DIAPH3: variants seen among roughly 807,000 people sequenced by gnomAD.
DIAPH3 encodes the protein protein diaphanous homolog 3.
DIAPH3 carries 117 observed loss-of-function variants against 144.3 expected under a neutral mutation model. The observed-to-expected ratio is 0.81, with a 90% confidence interval of 0.70 to 0.95. The LOEUF (loss-of-function observed/expected upper bound fraction) is 0.95. Among genes scored for constraint, DIAPH3 ranks in the 40% least tolerant of loss-of-function variants. The pLI is 0.00. For synonymous variants in DIAPH3, 519 were observed against 488.9 expected, an observed-to-expected ratio of 1.06 and a Z score of -0.81; for missense variants, 1,421 against 1,412.7, an observed-to-expected ratio of 1.01 and a Z score of -0.09.
chr13:59,876,899 C>A (rs1425389700), intron 21 of DIAPH3, among the ~76,000 whole-genome samples: 1 of 152,112 alleles, frequency 6.6e-6, no homozygotes, highest in African/African-American at 2.4e-5. Context: ...TCAGGGAAAG[C>A]CTGAATCTGC....
chr13:60,053,259 T>C (rs148315245), intron 4 of DIAPH3, among the ~76,000 whole-genome samples: 10 of 152,010 alleles, frequency 6.6e-5, no homozygotes, highest in Admixed American at 5.9e-4. Flanking sequence ...CGGCTGCATA[T>C]CTTTAAGTCC....
At chr13:59,784,184 G>A (rs111919060) in intron 25 of DIAPH3, among the ~76,000 whole-genome samples, 242 of 152,206 alleles carry the variant, frequency 1.6e-3, no homozygotes, top group African/African-American at 5.6e-3. Context: ...CCAGGTTCAA[G>A]TGATTCTCCT....
chr13:59,845,633 T>TGTACCTGATCC (rs2042588397), intron 22 of DIAPH3, among the ~76,000 whole-genome samples: 1 of 152,224 alleles, frequency 6.6e-6, no homozygotes, highest in South Asian at 2.1e-4. Context: ...TCATCTAATC[T>TGTACCTGATCC]GTACCTGATC....
At position 59,666,712 on chromosome 13, in the gene DIAPH3, C is replaced by A. The variant is rs1251121199; in HGVS notation, c.3454G>T (p.Ala1152Ser). 1.2e-6 allele frequency: 2 copies of A among 1,614,014 alleles called. No individual in the cohort carries two copies. Among genetic ancestry groups the A allele is most frequent in the African/African-American group, 2.7e-5 (2 of 74,926 alleles). ...THTSTGRIKA[A>S]EKKEACNVES... ...ACATTACACGCTTCCTTCTTCTCAGCTGCCTTGATCCTCCCAGTAGACGTA... is the reference window on the plus strand; with the variant it reads ...ACATTACACGCTTCCTTCTTCTCAGATGCCTTGATCCTCCCAGTAGACGTA... The change falls in exon 28 of 28, where the codon GCT (alanine) becomes TCT (serine). Residue 1152 changes from alanine to serine, a missense_variant. Ala to Ser is a moderately conservative substitution (Grantham distance 99). Transcript: ENST00000400324.
intron 22 of DIAPH3, among the ~76,000 whole-genome samples, chr13:59,845,078 C>T (rs1189714550): frequency 1.0e-4 from 15 of 150,002 alleles, no homozygotes; most frequent in Admixed American, 9.3e-4. Context: ...TGGAGTCTCA[C>T]TCTGTTGCCC....
At chr13:60,108,700 T>G (rs908857306) in intron 3 of DIAPH3, among the ~76,000 whole-genome samples, 2 of 152,048 alleles carry the variant, frequency 1.3e-5, no homozygotes, top group Non-Finnish European at 1.5e-5. Context: ...GTATCCTAGA[T>G]AAGAGGTCAT....
intron 4 of DIAPH3, 81 bp from the exon 5 acceptor site, chr13:60,042,901 C>A: frequency 6.7e-7 from 1 of 1,483,158 alleles, no homozygotes. Flanking sequence ...ATCTCCCTAA[C>A]AGCAGCACAT....
chr13:59,697,378 T>C lies in DIAPH3; in HGVS notation c.3320-30532A>G, dbSNP rs2033863171. Reference sequence around the variant, plus strand: ...AGGAGGCTGAGGCAAGGGAATGGCGTGAACTCGGGAGGCGGAGCTTGCAGT... The same window carrying C: ...AGGAGGCTGAGGCAAGGGAATGGCGCGAACTCGGGAGGCGGAGCTTGCAGT... On this transcript the variant is annotated intron_variant, in intron 27 of 27. Coordinates refer to ENST00000400324, the MANE Select transcript of DIAPH3 (RefSeq NM_001042517.2). Among the ~76,000 whole-genome samples the C allele has an allele frequency of 2.2e-5, 3 of 137,008 alleles. No individual in the cohort carries two copies. The South Asian group carries it at 7.0e-4, about 32-fold the overall frequency. The allele number at this position is 137,008 out of a possible 152,430, so 89.9% of individuals were successfully genotyped here.
intron 12 of DIAPH3, among the ~76,000 whole-genome samples, chr13:59,989,329 C>A (rs1439144912): frequency 6.6e-6 from 1 of 151,702 alleles, no homozygotes; most frequent in Non-Finnish European, 1.5e-5. Flanking sequence ...TAAATTATCA[C>A]AATTCTGACA....
intron 17 of DIAPH3, among the ~76,000 whole-genome samples, chr13:59,950,104 T>C (rs895780230): frequency 3.3e-5 from 5 of 150,976 alleles, no homozygotes; most frequent in Non-Finnish European, 7.4e-5. Flanking sequence ...TAATATGTTA[T>C]GTCTCCATTT....
intron 13 of DIAPH3, 96 bp from the exon 14 acceptor site, chr13:59,980,955 T>C: frequency 1.1e-6 from 1 of 940,566 alleles, no homozygotes; most frequent in Non-Finnish European, 1.7e-6. Context: ...AGAAAATAAT[T>C]AAATACTGAT....
At chr13:59,790,167 T>C (rs887611321) in intron 25 of DIAPH3, among the ~76,000 whole-genome samples, 2 of 152,168 alleles carry the variant, frequency 1.3e-5, no homozygotes, top group Admixed American at 6.5e-5. Context: ...TGACGAATGT[T>C]ACACAAAATA....
chr13:60,035,364 T>A (rs2055131806), intron 5 of DIAPH3, among the ~76,000 whole-genome samples: 1 of 152,166 alleles, frequency 6.6e-6, no homozygotes, highest in Non-Finnish European at 1.5e-5. Flanking sequence ...ATAGAATGAA[T>A]GACGGTATAC....
chr13:60,106,240 G>C (rs1225840), intron 3 of DIAPH3, among the ~76,000 whole-genome samples: 114,714 of 151,946 alleles, frequency 0.75, 43,422 homozygotes, highest in Admixed American at 0.81. Flanking sequence ...CTAGACAAAC[G>C]AACTGATGGA....
chr13:59,741,810 A>C (rs1201712363), intron 27 of DIAPH3, among the ~76,000 whole-genome samples: 1 of 152,190 alleles, frequency 6.6e-6, no homozygotes, highest in Non-Finnish European at 1.5e-5. Context: ...ATCTTAAATA[A>C]ATTCAAAATG....
intron 25 of DIAPH3, among the ~76,000 whole-genome samples, chr13:59,788,363 T>A (rs180852742): frequency 6.6e-6 from 1 of 152,202 alleles, no homozygotes; most frequent in Admixed American, 6.5e-5. Context: ...CTCATGCCTA[T>A]AATCCTAGCA....
intron 4 of DIAPH3, among the ~76,000 whole-genome samples, chr13:60,052,193 G>C (rs2056377639): frequency 6.6e-6 from 1 of 152,138 alleles, no homozygotes; most frequent in Non-Finnish European, 1.5e-5. Context: ...GCAGGAACAG[G>C]GAGGTGAGGA....
chr13:60,068,582 C>G (rs138889370), intron 4 of DIAPH3, among the ~76,000 whole-genome samples: 1 of 152,112 alleles, frequency 6.6e-6, no homozygotes, highest in Non-Finnish European at 1.5e-5. Flanking sequence ...GTTTGATGTA[C>G]AGATTATTTT....
intron 24 of DIAPH3, among the ~76,000 whole-genome samples, chr13:59,814,622 C>T (rs568632214): frequency 1.3e-5 from 2 of 152,154 alleles, no homozygotes; most frequent in Non-Finnish European, 2.9e-5. Context: ...TGACTTCCAT[C>T]CTAAATTTGA....
Sources: gnomAD v4.1 joint callset for allele counts (sites outside exome capture counted in the v4.1 genomes callset) on GRCh38, gnomAD v4.1.1 for gene constraint, MANE v1.5 for transcripts, NCBI Gene and HGNC (gene_info 2026-07-23, HGNC 2026-07-21) for gene names.